STPG2: variants seen among roughly 807,000 people sequenced by gnomAD.
STPG2 encodes the protein sperm tail PG-rich repeat containing 2.
Under a neutral mutation model 54.2 loss-of-function variants are expected in STPG2, and 56 were observed. That is an observed-to-expected ratio of 1.03 (90% CI 0.83 to 1.29). The LOEUF is 1.29. STPG2 is among the 50% of genes most tolerant of loss of function. The pLI is 0.00. For missense variants in STPG2, 596 were observed against 544.9 expected (o/e 1.09, Z -0.93); for synonymous variants, 200 against 181.8 (o/e 1.10, Z -0.81).
At chr4:97,560,478 T>C (rs1013540910) in intron 10 of STPG2, among the ~76,000 whole-genome samples, 1 of 152,138 alleles carries the variant, frequency 6.6e-6, no homozygotes, top group African/African-American at 2.4e-5. Context: ...CTAGGTACTC[T>C]TTGTAAATGT....
Position 97,795,797 on chromosome 4 carries a change from C to G in STPG2, c.1204+44976G>C, listed in dbSNP as rs184910063. ...CACACTGTCTTCCACAATGGGTGAA[C>G]TAGTTTACAGTGCCACCAACAGTGT... On this transcript the variant is annotated intron_variant, in intron 9 of 10. Transcript: ENST00000295268. 1.1e-4 allele frequency among the ~76,000 whole-genome samples: 17 copies of G among 152,284 alleles called. No individual in the cohort carries two copies. In the East Asian group the frequency reaches 1.9e-3, roughly 17 times the overall value.
rs116569214 is a variant in STPG2, at chr4:97,882,106, C to T, written c.1045-41174G>A. Among the ~76,000 whole-genome samples, 396 of 152,228 alleles carry T rather than the reference C, an allele frequency of 2.6e-3. 3 individuals are homozygous for T. Among genetic ancestry groups the T allele is most frequent in the African/African-American group, 8.9e-3 (370 of 41,536 alleles). On this transcript the variant is annotated intron_variant, in intron 8 of 10. Transcript: ENST00000295268. ...TACAGGAGGATGATGAGAAACACCACATAAGCTGGTATGAGAAATTTTCAG... is the reference window on the plus strand; with the variant it reads ...TACAGGAGGATGATGAGAAACACCATATAAGCTGGTATGAGAAATTTTCAG...
intron 8 of STPG2, among the ~76,000 whole-genome samples, chr4:97,902,199 C>G (rs1731203677): frequency 1.3e-5 from 2 of 152,138 alleles, no homozygotes; most frequent in South Asian, 4.1e-4. Context: ...CACAGGATTT[C>G]TAGAAGAAAA....
chr4:97,584,524 A>G (rs1176262876), intron 10 of STPG2, among the ~76,000 whole-genome samples: 1 of 152,058 alleles, frequency 6.6e-6, no homozygotes, highest in Admixed American at 6.6e-5. Flanking sequence ...AAAAGAAATA[A>G]CAAAGATCAG....
Position 97,943,956 on chromosome 4 carries a change from T to C in STPG2, c.985A>G (p.Thr329Ala). The C allele has an allele frequency of 6.2e-7, 1 of 1,604,780 alleles. No homozygotes were observed. Among genetic ancestry groups the C allele is most frequent in the East Asian group, 2.3e-5 (1 of 44,384 alleles). Residue 329 changes from threonine (T) to alanine (A), a missense_variant, in exon 8 of 11, where the codon ACT becomes GCT. By Grantham distance (58) the Thr-to-Ala change is moderately conservative. Coordinates refer to ENST00000295268, the MANE Select transcript of STPG2 (RefSeq NM_174952.3). ...VGISDELPNL[T>A]NKYAAFLSRA... ...GACAAGAAAGCAGCATATTTGTTAG[T>C]CAAGTTAGGTAATTCATCAGAAATT...
intron 8 of STPG2, among the ~76,000 whole-genome samples, chr4:97,843,778 A>G: frequency 6.6e-6 from 1 of 151,892 alleles, no homozygotes; most frequent in East Asian, 1.9e-4. Context: ...ACCATTTCAC[A>G]TACTTTGTGA....
rs188440919 is a variant in STPG2, at chr4:97,939,856, G to A, written c.1044+4041C>T. Among the ~76,000 whole-genome samples, 227 of 152,234 alleles carry A rather than the reference G, an allele frequency of 1.5e-3. 1 individual carries two copies. Among genetic ancestry groups the A allele is most frequent in the African/African-American group, 3.9e-3 (162 of 41,562 alleles). ...GATCCTGGCATTGTGCTGTTAGCTG[G>A]TTATTATGTTGGCTTGTTCATGTGG... On this transcript the variant is annotated intron_variant, in intron 8 of 10. Transcript: ENST00000295268.
intron 10 of STPG2, among the ~76,000 whole-genome samples, chr4:97,667,616 A>C (rs1302431692): frequency 2.0e-5 from 3 of 152,336 alleles, no homozygotes; most frequent in African/African-American, 7.2e-5. Flanking sequence ...TGGCACAAAA[A>C]AACTCATATT....
intron 10 of STPG2, among the ~76,000 whole-genome samples, chr4:97,626,793 A>G (rs541912711): frequency 1.3e-5 from 2 of 151,618 alleles, no homozygotes; most frequent in Admixed American, 1.3e-4. Context: ...TATGTACCGC[A>G]TATTTTTTGC....
chr4:97,820,065 A>G (rs1047993608), intron 9 of STPG2, among the ~76,000 whole-genome samples: 1 of 152,052 alleles, frequency 6.6e-6, no homozygotes, highest in Non-Finnish European at 1.5e-5. Context: ...TGCTCCCTTC[A>G]TGTCTCAACG....
chr4:97,562,706 T>G lies in STPG2; in HGVS notation c.1321-3589A>C, dbSNP rs551692193. 7.4e-3 allele frequency among the ~76,000 whole-genome samples: 1,119 copies of G among 152,216 alleles called. 5 individuals are homozygous for G. Among genetic ancestry groups the G allele is most frequent in the South Asian group, 0.02 (98 of 4,822 alleles). ...CTGCATCTATTGAGATAATCCTGTGTTTTTTGTCTTTGCTTCTGTTTATAT... is the reference window on the plus strand; with the variant it reads ...CTGCATCTATTGAGATAATCCTGTGGTTTTTGTCTTTGCTTCTGTTTATAT... On this transcript the variant is annotated intron_variant, in intron 10 of 10. Coordinates refer to ENST00000295268, the MANE Select transcript of STPG2 (RefSeq NM_174952.3).
chr4:97,733,223 C>T (rs913917085), intron 9 of STPG2, among the ~76,000 whole-genome samples: 9 of 152,008 alleles, frequency 5.9e-5, no homozygotes, highest in Admixed American at 3.9e-4. Flanking sequence ...CTAAAGAAAA[C>T]GTGGTGTATA....
At chr4:97,703,974 A>G (rs530016688) in intron 10 of STPG2, among the ~76,000 whole-genome samples, 1 of 152,064 alleles carries the variant, frequency 6.6e-6, no homozygotes, top group Admixed American at 6.6e-5. Context: ...AGCATCCAGC[A>G]TGAGAGAAAG....
chr4:98,008,733 A>G (rs911917833), intron 5 of STPG2, among the ~76,000 whole-genome samples: 6 of 152,046 alleles, frequency 3.9e-5, no homozygotes, highest in Non-Finnish European at 8.8e-5. Flanking sequence ...CTCACATATC[A>G]ATTTTAACCT....
chr4:97,795,901 G>A (rs535168386), intron 9 of STPG2, among the ~76,000 whole-genome samples: 1 of 152,308 alleles, frequency 6.6e-6, no homozygotes, highest in East Asian at 1.9e-4. Context: ...TCTAACTGGT[G>A]TGAGATGATA....
intron 4 of STPG2, among the ~76,000 whole-genome samples, chr4:97,471,416 C>A (rs1729924387): frequency 6.6e-6 from 1 of 152,054 alleles, no homozygotes; most frequent in African/African-American, 2.4e-5. Flanking sequence ...TAAAAATAGT[C>A]ATATTCATAT....
intron 10 of STPG2, among the ~76,000 whole-genome samples, chr4:97,696,252 G>A (rs530135382): frequency 9.2e-5 from 14 of 152,090 alleles, no homozygotes; most frequent in Non-Finnish European, 1.8e-4. Flanking sequence ...CTTTGACAAA[G>A]CAAACAAAAA....
chr4:97,890,792 C>G (rs1391739779), intron 8 of STPG2, among the ~76,000 whole-genome samples: 1 of 151,688 alleles, frequency 6.6e-6, no homozygotes. Context: ...AGCACATATG[C>G]CCCCAAAATA....
intron 5 of STPG2, among the ~76,000 whole-genome samples, chr4:98,048,314 T>C (rs1004166122): frequency 6.6e-6 from 1 of 152,170 alleles, no homozygotes; most frequent in Admixed American, 6.5e-5. Context: ...TAAGACACTA[T>C]CCTGGATTAG....
Sources: gnomAD v4.1 joint callset for allele counts (sites outside exome capture counted in the v4.1 genomes callset) on GRCh38, gnomAD v4.1.1 for gene constraint, MANE v1.5 for transcripts, NCBI Gene and HGNC (gene_info 2026-07-23, HGNC 2026-07-21) for gene names.